The following HMCN1 variants were observed in gnomAD, a reference collection of about 807,000 sequenced individuals.
The protein encoded by HMCN1 is hemicentin 1.
HMCN1 carries 321 observed loss-of-function variants against 625.9 expected under a neutral mutation model. The ratio of observed to expected loss-of-function variants is 0.51; its 90% confidence interval spans 0.47 to 0.56. The LOEUF (loss-of-function observed/expected upper bound fraction) is 0.56. Ranked by LOEUF, HMCN1 falls within the 20% of genes least tolerant of loss-of-function variation. The probability of loss-of-function intolerance (pLI) is 0.00; values close to 1 mark genes in which losing one functional copy is unlikely to be tolerated. For missense variants in HMCN1, 6,588 were observed against 6,887.3 expected, an observed-to-expected ratio of 0.96 and a Z score of 1.54; for synonymous variants, 2,425 against 2,417.6, an observed-to-expected ratio of 1.00 and a Z score of -0.09.
chr1:186,002,980 C>T (rs1367650589), intron 28 of HMCN1, among the ~76,000 whole-genome samples: 1 of 152,122 alleles, frequency 6.6e-6, no homozygotes, highest in Non-Finnish European at 1.5e-5. Context: ...CATTCATGAG[C>T]TGAATCAATG....
intron 42 of HMCN1, among the ~76,000 whole-genome samples, chr1:186,051,483 C>A (rs1195702476): frequency 6.6e-6 from 1 of 151,974 alleles, no homozygotes; most frequent in Non-Finnish European, 1.5e-5. Flanking sequence ...GAGAGGGTCT[C>A]CATTACAGAT....
In HMCN1 at chr1:185,776,441, G is replaced by GTT. The variant is rs980392203; in HGVS notation, c.268+41395_268+41396dup. The stretch of plus-strand genomic sequence containing the variant: ...TAAGTATTAACAATAATTGTATAGG[G>GTT]TTGTGTGTGTGTGTGTGTGTGTGTG... On this transcript the variant is annotated intron_variant, in intron 1 of 106. Coordinates refer to ENST00000271588, the MANE Select transcript of HMCN1 (RefSeq NM_031935.3). 5.3e-5 allele frequency among the ~76,000 whole-genome samples: 6 copies of GTT among 113,398 alleles called. No homozygotes were observed. In the East Asian group the frequency reaches 7.1e-4, roughly 13 times the overall value. The allele number at this position is 113,398 out of a possible 152,430, so 74.4% of individuals were successfully genotyped here.
intron 4 of HMCN1, among the ~76,000 whole-genome samples, chr1:185,899,947 T>A (rs1358930668): frequency 6.6e-6 from 1 of 152,030 alleles, no homozygotes. Flanking sequence ...ATTGTGATAA[T>A]TAGATTTAAA....
At chr1:186,169,133 A>G (rs1324802472) in intron 100 of HMCN1, among the ~76,000 whole-genome samples, 1 of 152,158 alleles carries the variant, frequency 6.6e-6, no homozygotes, top group East Asian at 1.9e-4. Context: ...TCCGTGGTGT[A>G]TATGTGCCAC....
Position 186,055,544 on chromosome 1 carries a change from A to G in HMCN1, c.7014A>G (p.Gly2338=), listed in dbSNP as rs752486205. The change falls in exon 45 of 107, where the codon GGA becomes GGG. Residue 2338 remains glycine (G), a synonymous_variant. Coordinates refer to ENST00000271588, the MANE Select transcript of HMCN1 (RefSeq NM_031935.3). ...GCCACCCCTTGATCAAGGCAAAGGG[A>G]GTAGAAATACTGGATGAAGGTCACA... is the stretch of plus-strand genomic sequence containing the variant. ...KDGHPLIKAK[G]VEILDEGHIL... 2 of 1,612,924 alleles carry G rather than the reference A, an allele frequency of 1.2e-6. No homozygotes were observed. Among genetic ancestry groups the G allele is most frequent in the South Asian group, 2.2e-5 (2 of 91,074 alleles).
chr1:186,090,109 T>A (rs1488075529), intron 63 of HMCN1, among the ~76,000 whole-genome samples: 1 of 151,928 alleles, frequency 6.6e-6, no homozygotes, highest in East Asian at 1.9e-4. Context: ...CACATCGCTA[T>A]GATCATATAG....
At chr1:185,945,261 CT>C (rs1668278225) in intron 11 of HMCN1, among the ~76,000 whole-genome samples, 1 of 152,146 alleles carries the variant, frequency 6.6e-6, no homozygotes, top group South Asian at 2.1e-4. Context: ...TGCTATGCCC[CT>C]AGGCACTACC....
chr1:186,083,114 A>G (rs1322578541), intron 57 of HMCN1, among the ~76,000 whole-genome samples, 153 bp downstream of exon 57: 2 of 152,136 alleles, frequency 1.3e-5, no homozygotes, highest in Non-Finnish European at 2.9e-5. Flanking sequence ...TCTTTCCACG[A>G]TGGCTAGTAG....
rs1657259030 is a variant in HMCN1 at position 186,055,559 on chromosome 1, T to G, written c.7029T>G (p.Asp2343Glu). The G allele has an allele frequency of 6.2e-7, 1 of 1,612,772 alleles. No individual in the cohort carries two copies. Among genetic ancestry groups the G allele is most frequent in the Admixed American group, 1.7e-5 (1 of 59,808 alleles). The change falls in exon 45 of 107, where the codon GAT (aspartate) becomes GAG (glutamate). Residue 2343 changes from aspartate (D) to glutamate (E), a missense_variant. This residue lies in a region of HMCN1 where 4,628 missense variants were observed against 4,853.1 expected (regional missense o/e 0.95). Transcript: ENST00000271588. ...LIKAKGVEILDEGHILQLKNI... is the reference protein window; with the variant it reads ...LIKAKGVEILEEGHILQLKNI... ...AGGCAAAGGGAGTAGAAATACTGGA[T>G]GAAGGTCACATCCTTCAGCTGAAGA...
At chr1:185,807,637 ACTC>A (rs1343979709) in intron 1 of HMCN1, among the ~76,000 whole-genome samples, 1 of 151,978 alleles carries the variant, frequency 6.6e-6, no homozygotes, top group Non-Finnish European at 1.5e-5. Flanking sequence ...AGATTCAAAA[ACTC>A]CTTTAAAGTA....
At chr1:186,135,099 ACT>A (rs796368315) in intron 86 of HMCN1, among the ~76,000 whole-genome samples, 34 of 151,714 alleles carry the variant, frequency 2.2e-4, no homozygotes, top group African/African-American at 8.0e-4. Flanking sequence ...ATCCAGTTCA[ACT>A]CTCTTTTTCC....
At chr1:185,766,329 T>G (rs777058068) in intron 1 of HMCN1, among the ~76,000 whole-genome samples, 32 of 152,130 alleles carry the variant, frequency 2.1e-4, no homozygotes, top group Admixed American at 3.9e-4. Context: ...CTGAAGCTGC[T>G]TCTGTCTGAG....
At chr1:186,125,215 T>C (rs1204595329) in intron 81 of HMCN1, among the ~76,000 whole-genome samples, 1 of 152,164 alleles carries the variant, frequency 6.6e-6, no homozygotes, top group Non-Finnish European at 1.5e-5. Flanking sequence ...TTCATCCTCA[T>C]AATATACAGC....
At chr1:185,956,546 C>T (rs1455116795) in intron 11 of HMCN1, among the ~76,000 whole-genome samples, 1 of 152,166 alleles carries the variant, frequency 6.6e-6, no homozygotes, top group Non-Finnish European at 1.5e-5. Context: ...GAGCTTCACA[C>T]CATCCTCCAG....
At chr1:186,025,465 C>A (rs1415825501) in intron 36 of HMCN1, among the ~76,000 whole-genome samples, 4 of 152,178 alleles carry the variant, frequency 2.6e-5, no homozygotes, top group Non-Finnish European at 5.9e-5. Flanking sequence ...TGAAACAGCA[C>A]CTCTAATGTA....
intron 97 of HMCN1, among the ~76,000 whole-genome samples, chr1:186,161,273 G>A (rs1303526182): frequency 6.6e-6 from 1 of 151,676 alleles, no homozygotes; most frequent in Admixed American, 6.6e-5. Context: ...CATTTGCTTG[G>A]TAGATCTTCC....
intron 14 of HMCN1, among the ~76,000 whole-genome samples, chr1:185,967,137 A>G (rs1222901103): frequency 6.6e-6 from 1 of 152,184 alleles, no homozygotes; most frequent in Non-Finnish European, 1.5e-5. Flanking sequence ...TATAGACAGT[A>G]TTTCTTTATT....
At chr1:185,887,404 C>A (rs1571504125) in intron 4 of HMCN1, among the ~76,000 whole-genome samples, 2 of 150,738 alleles carry the variant, frequency 1.3e-5, no homozygotes, top group South Asian at 2.1e-4. Flanking sequence ...TGTGCTGCAC[C>A]CACTAACTCG....
chr1:186,166,049 G>A, intron 98 of HMCN1, 135 bp from the exon 99 acceptor site: 1 of 857,240 alleles, frequency 1.2e-6, no homozygotes, highest in Non-Finnish European at 1.8e-6. Context: ...TTCATTTTGT[G>A]GCACTTAAAG....
Sources: allele counts gnomAD v4.1 joint callset (sites outside exome capture counted in the v4.1 genomes callset), GRCh38; gene constraint gnomAD v4.1.1; regional missense constraint gnomAD v4.1.1; transcripts MANE v1.5; gene names NCBI Gene and HGNC (gene_info 2026-07-23, HGNC 2026-07-21).